The following EEPD1 variants were observed in gnomAD, a reference collection of about 807,000 sequenced individuals.
The protein encoded by EEPD1 is endonuclease/exonuclease/phosphatase family domain containing 1.
Under a neutral mutation model 46.3 loss-of-function variants are expected in EEPD1, and 17 were observed. The observed-to-expected ratio is 0.37, with a 90% CI of 0.25 to 0.55. The LOEUF (loss-of-function observed/expected upper bound fraction) is 0.55, where lower values mean the gene tolerates loss of function less well. EEPD1 is among the 20% of genes least tolerant of loss of function. The pLI is 0.83. For missense variants in EEPD1, 673 were observed against 745.6 expected, an observed-to-expected ratio of 0.90 and a Z score of 1.13; for synonymous variants, 313 against 315.6, an observed-to-expected ratio of 0.99 and a Z score of 0.09.
At chr7:36,290,498 G>A (rs77730096) in intron 6 of EEPD1, among the ~76,000 whole-genome samples, 11,607 of 152,210 alleles carry the variant, frequency 0.076, 575 homozygotes, top group East Asian at 0.2. Flanking sequence ...TTCAGCTAAA[G>A]CAAAGACAAA....
rs1009957488 is a variant in EEPD1, at chr7:36,300,382, G to C, written c.*1176G>C. 1.3e-5 allele frequency: 2 copies of C among 152,246 alleles called. No individual in the cohort carries two copies. Among genetic ancestry groups the C allele is most frequent in the Non-Finnish European group, 2.9e-5 (2 of 68,060 alleles). 9.4% of individuals were successfully genotyped at this position (152,246 alleles called of 1,614,324 possible). A position where few individuals can be genotyped will look rare whatever the true frequency, so the allele number is the denominator to read the frequency against. On this transcript the variant is annotated 3_prime_UTR_variant, in exon 8 of 8. Coordinates refer to ENST00000242108, the MANE Select transcript of EEPD1 (RefSeq NM_030636.3). ...CAATTTGCGTTTCACAGCTGAAGACGCTGAGGCTTAGAGAGCTCGACCTCC... is the reference window on the plus strand; with the variant it reads ...CAATTTGCGTTTCACAGCTGAAGACCCTGAGGCTTAGAGAGCTCGACCTCC...
intron 3 of EEPD1, among the ~76,000 whole-genome samples, chr7:36,246,336 G>T (rs1396051508): frequency 6.6e-6 from 1 of 152,234 alleles, no homozygotes; most frequent in African/African-American, 2.4e-5. Context: ...GGGGGACATA[G>T]GAGGCCAGGT....
At chr7:36,271,884 GTA>G (rs1787111002) in intron 3 of EEPD1, among the ~76,000 whole-genome samples, 6 of 10,066 alleles carry the variant, frequency 6.0e-4, no homozygotes, top group African/African-American at 1.5e-3. Flanking sequence ...CTATTCTATT[GTA>G]TTCTATTCTA....
At chr7:36,263,882 T>G (rs192796749) in intron 3 of EEPD1, among the ~76,000 whole-genome samples, 57 of 152,364 alleles carry the variant, frequency 3.7e-4, no homozygotes, top group Non-Finnish European at 7.6e-4. Context: ...GGCACTTGCT[T>G]TGCAAGGATA....
chr7:36,196,745 G>A (rs373737473), intron 2 of EEPD1, among the ~76,000 whole-genome samples: 2 of 152,196 alleles, frequency 1.3e-5, no homozygotes, highest in Non-Finnish European at 2.9e-5. Context: ...GTGCAGTGGC[G>A]TGATCTCGGC....
chr7:36,301,398 A>T lies in EEPD1; in HGVS notation c.*2192A>T, dbSNP rs987575581. 10 of 152,210 alleles carry T rather than the reference A, an allele frequency of 6.6e-5. No individual in the cohort carries two copies. The highest frequency in any genetic ancestry group is 1.9e-4 in the African/African-American group (8 of 41,462). 9.4% of individuals were successfully genotyped at this position (152,210 alleles called of 1,614,324 possible). ...AAATTAGGCACAAAGGGATTCCCAT[A>T]TCCCTCCTCTTCTTTGCATATTTCC... is the stretch of plus-strand genomic sequence containing the variant. On this transcript the variant is annotated 3_prime_UTR_variant, in exon 8 of 8. Transcript: ENST00000242108.
At chr7:36,252,924 G>T (rs1256003375) in intron 3 of EEPD1, among the ~76,000 whole-genome samples, 2 of 125,292 alleles carry the variant, frequency 1.6e-5, no homozygotes, top group African/African-American at 6.0e-5. Flanking sequence ...GGTTCCATTG[G>T]TTTTTCTGGG....
intron 2 of EEPD1, among the ~76,000 whole-genome samples, chr7:36,221,346 G>A (rs75398556): frequency 0.017 from 2,639 of 152,210 alleles, 73 homozygotes; most frequent in African/African-American, 0.06. Context: ...TATTATCTGT[G>A]TATCTTTTTA....
rs1787583895 is a variant in EEPD1 at position 36,299,550 on chromosome 7, T to C, written c.*344T>C. The stretch of plus-strand genomic sequence containing the variant: ...TGAGCAGAGGGAGGAGAAGAAGGGG[T>C]GCTCAGGCTGCGGGCCACAGTCCAG... On this transcript the variant is annotated 3_prime_UTR_variant, in exon 8 of 8. Transcript: ENST00000242108. 1.3e-5 allele frequency: 4 copies of C among 312,074 alleles called. No individual in the cohort carries two copies. In the South Asian group the frequency reaches 1.4e-4, roughly 11 times the overall value. 19.3% of individuals were successfully genotyped at this position (312,074 alleles called of 1,614,324 possible). A position where few individuals can be genotyped will look rare whatever the true frequency, so the allele number is the denominator to read the frequency against.
chr7:36,213,594 G>A (rs1463286481), intron 2 of EEPD1, among the ~76,000 whole-genome samples: 3 of 152,140 alleles, frequency 2.0e-5, no homozygotes, highest in Non-Finnish European at 4.4e-5. Flanking sequence ...ACAGAAGACA[G>A]GTCCTTGAGT....
intron 2 of EEPD1, among the ~76,000 whole-genome samples, chr7:36,165,717 G>T (rs1356330612): frequency 6.6e-6 from 1 of 151,770 alleles, no homozygotes; most frequent in Non-Finnish European, 1.5e-5. Flanking sequence ...GATTACAGGC[G>T]TGAGCCACCA....
intron 2 of EEPD1, among the ~76,000 whole-genome samples, chr7:36,179,830 A>G (rs3021413): frequency 0.15 from 22,972 of 152,046 alleles, 2,309 homozygotes; most frequent in Non-Finnish European, 0.23. Flanking sequence ...TTTGGGATGA[A>G]GGGTTGAGCC....
intron 2 of EEPD1, among the ~76,000 whole-genome samples, chr7:36,159,158 A>G (rs1023241785): frequency 1.2e-4 from 18 of 152,246 alleles, no homozygotes; most frequent in African/African-American, 4.3e-4. Flanking sequence ...ATTGAAAAAT[A>G]TGTATTGAAT....
intron 2 of EEPD1, among the ~76,000 whole-genome samples, chr7:36,198,908 G>C (rs1258507343): frequency 6.6e-6 from 1 of 152,034 alleles, no homozygotes; most frequent in African/African-American, 2.4e-5. Flanking sequence ...AGTGCAGCTG[G>C]TGGGAGGAGG....
chr7:36,211,706 A>G (rs992909042), intron 2 of EEPD1, among the ~76,000 whole-genome samples: 3 of 152,016 alleles, frequency 2.0e-5, no homozygotes, highest in East Asian at 3.9e-4. Context: ...GTGCGGATCA[A>G]CTGAGGTCAG....
chr7:36,262,353 G>GA (rs996855727), intron 3 of EEPD1, among the ~76,000 whole-genome samples: 50 of 150,950 alleles, frequency 3.3e-4, no homozygotes, highest in African/African-American at 7.8e-4. Context: ...CTTCTCAGAG[G>GA]AAAAAAAAAT....
At chr7:36,196,753 G>T (rs1318558482) in intron 2 of EEPD1, among the ~76,000 whole-genome samples, 2 of 152,196 alleles carry the variant, frequency 1.3e-5, no homozygotes, top group East Asian at 1.9e-4. Context: ...GCGTGATCTC[G>T]GCTCGCTACG....
intron 2 of EEPD1, among the ~76,000 whole-genome samples, chr7:36,158,289 C>T (rs1168149594): frequency 1.3e-5 from 2 of 152,166 alleles, no homozygotes; most frequent in African/African-American, 4.8e-5. Context: ...CTTTAACCTG[C>T]CTCTTGGTTA....
chr7:36,296,905 A>G, intron 6 of EEPD1, 88 bp from the exon 7 acceptor site: 1 of 1,367,034 alleles, frequency 7.3e-7, no homozygotes, highest in African/African-American at 1.4e-5. Context: ...AAGTCAGAGA[A>G]TCTCAATCCC....
Sources: allele counts gnomAD v4.1 joint callset (sites outside exome capture counted in the v4.1 genomes callset), GRCh38; gene constraint gnomAD v4.1.1; transcripts MANE v1.5; gene names NCBI Gene and HGNC (gene_info 2026-07-23, HGNC 2026-07-21).